Variants in SLC9A1 observed in about 807,000 individuals in gnomAD.
SLC9A1 encodes the protein sodium/hydrogen exchanger 1.
A neutral mutation model predicts 67.9 loss-of-function variants in SLC9A1; 22 were observed. The ratio of observed to expected loss-of-function variants is 0.32; its 90% confidence interval spans 0.23 to 0.46. The LOEUF (loss-of-function observed/expected upper bound fraction) is 0.46, where lower values mean the gene tolerates loss of function less well. Among genes scored for constraint, SLC9A1 ranks in the 20% least tolerant of loss-of-function variants. The pLI is 1.00. For missense variants in SLC9A1, 686 were observed against 1,094.8 expected (o/e 0.63, Z 5.27); for synonymous variants, 421 against 471.8 (o/e 0.89, Z 1.40).
intron 1 of SLC9A1, among the ~76,000 whole-genome samples, chr1:27,144,825 A>G (rs2083474769): frequency 6.6e-6 from 1 of 152,150 alleles, no homozygotes; most frequent in African/African-American, 2.4e-5. Context: ...ACTGGCCAGC[A>G]TAGCAAAACC....
In SLC9A1 at chr1:27,114,162, G is replaced by A. The variant is rs367684852; in HGVS notation, c.477C>T (p.Asp159=). Residue 159 remains aspartate, a synonymous_variant, in exon 2 of 12, where the codon GAC becomes GAT. Transcript: ENST00000263980. This position sits in a 1 kb window ranked among gnomAD's most constrained non-coding sequence, Gnocchi z 5.4. ...VGETPPFLQS[D]VFFLFLLPPI... Reference sequence around the variant, plus strand: ...GCGGCAGCAGGAAGAGGAAGAAGACGTCGGACTGCAGGAAGGGGGGTGTCT... The same window carrying A: ...GCGGCAGCAGGAAGAGGAAGAAGACATCGGACTGCAGGAAGGGGGGTGTCT... The A allele has an allele frequency of 1.2e-5, 20 of 1,614,050 alleles. No homozygotes were observed. In the East Asian group the frequency reaches 1.6e-4, roughly 13 times the overall value.
rs1386738925 is a variant in SLC9A1, at chr1:27,102,132, TG to T, written c.1821-3del. 2 of 1,610,106 alleles carry T rather than the reference TG, an allele frequency of 1.2e-6. No homozygotes were observed. The highest frequency in any genetic ancestry group is 1.7e-6 in the Non-Finnish European group (2 of 1,176,604). On this transcript the variant is annotated splice_polypyrimidine_tract_variant and splice_region_variant and intron_variant, in intron 8 of 11. Transcript: ENST00000263980. ...GGCAGGGACTTGGGGTGGATGTTCC[TG>T]GGGCAATAGGGCATCGGTTAGGTCC...
chr1:27,131,089 T>C (rs1430503507), intron 1 of SLC9A1, among the ~76,000 whole-genome samples: 1 of 152,206 alleles, frequency 6.6e-6, no homozygotes, highest in African/African-American at 2.4e-5. Context: ...CACATGGCAC[T>C]GGCACAAGGT....
At chr1:27,104,067 C>A (rs1373181167) in intron 5 of SLC9A1, 1 of 151,378 alleles carries the variant, frequency 6.6e-6, no homozygotes, top group Non-Finnish European at 1.5e-5. Flanking sequence ...AAAGTGGCAG[C>A]CTCCTCCTCT....
intron 1 of SLC9A1, among the ~76,000 whole-genome samples, chr1:27,120,012 C>T (rs2083294465): frequency 6.6e-6 from 1 of 151,894 alleles, no homozygotes. Context: ...GGGAAGGTTG[C>T]AGTGAGCCAA....
chr1:27,100,194 T>G lies in SLC9A1; in HGVS notation c.*113A>C. 1.4e-6 allele frequency: 1 copy of G among 712,256 alleles called. No homozygotes were observed. The highest frequency in any genetic ancestry group is 2.2e-6 in the Non-Finnish European group (1 of 459,464). 44.1% of individuals were successfully genotyped at this position (712,256 alleles called of 1,614,324 possible). On this transcript the variant is annotated 3_prime_UTR_variant, in exon 12 of 12. Transcript: ENST00000263980. The surrounding 1 kb of genome is among the most constrained non-coding windows in gnomAD (Gnocchi z 5.6). The stretch of plus-strand genomic sequence containing the variant: ...GGCTGTGGGCCCAGCTGCCATGCGG[T>G]AGGGGGAGGGGCAGGGCCAATCCGG...
intron 1 of SLC9A1, among the ~76,000 whole-genome samples, chr1:27,135,524 GGAAA>G (rs2083414920): frequency 4.3e-5 from 3 of 70,364 alleles, no homozygotes; most frequent in African/African-American, 2.2e-4. Context: ...CCTTTTTTCT[GGAAA>G]AAAAAAAAAA....
chr1:27,132,306 G>A (rs1159850253), intron 1 of SLC9A1, among the ~76,000 whole-genome samples: 1 of 152,094 alleles, frequency 6.6e-6, no homozygotes, highest in African/African-American at 2.4e-5. Flanking sequence ...CAATGGAGAG[G>A]AAAGAACACT....
In SLC9A1 at chr1:27,106,894, G is replaced by A. The variant is rs2083188564; in HGVS notation, c.1282+754C>T. 6.6e-6 allele frequency among the ~76,000 whole-genome samples: 1 copy of A among 151,894 alleles called. No homozygotes were observed. Among genetic ancestry groups the A allele is most frequent in the Admixed American group, 6.6e-5 (1 of 15,258 alleles). The stretch of plus-strand genomic sequence containing the variant: ...CTCATCAGGACAGCCACAGCCACAG[G>A]CTCAGAGTCTCAGGGCCCCCTCACT... On this transcript the variant is annotated intron_variant, in intron 4 of 11. Coordinates refer to ENST00000263980, the MANE Select transcript of SLC9A1 (RefSeq NM_003047.5). This position sits in a 1 kb window ranked among gnomAD's most constrained non-coding sequence, Gnocchi z 4.3.
rs1173267418 is a variant in SLC9A1, at chr1:27,153,369, AC to A, written c.352+613del. Among the ~76,000 whole-genome samples the A allele has an allele frequency of 3.3e-5, 5 of 152,164 alleles. No individual in the cohort carries two copies. In the South Asian group the frequency reaches 1.0e-3, roughly 32 times the overall value. On this transcript the variant is annotated intron_variant, in intron 1 of 11. Transcript: ENST00000263980. ...TATGGCATTCCTGGGCCGGAAATTG[AC>A]TCAGGGGCTCCTAACTAGCCTGGAC...
intron 1 of SLC9A1, among the ~76,000 whole-genome samples, chr1:27,128,977 C>G (rs1225592081): frequency 6.6e-6 from 1 of 151,214 alleles, no homozygotes; most frequent in Non-Finnish European, 1.5e-5. Flanking sequence ...AACAAACAAA[C>G]AAACAAATGC....
intron 1 of SLC9A1, among the ~76,000 whole-genome samples, chr1:27,149,162 G>A (rs762080790): frequency 5.3e-5 from 8 of 152,178 alleles, no homozygotes; most frequent in Non-Finnish European, 1.0e-4. Context: ...ACTCCTAGAG[G>A]GAGTCCTACA....
chr1:27,117,002 C>T (rs778723655), intron 1 of SLC9A1, among the ~76,000 whole-genome samples: 15 of 152,174 alleles, frequency 9.9e-5, no homozygotes, highest in Non-Finnish European at 2.1e-4. Context: ...CTGACCACCA[C>T]CTGTCTGCTC....
In SLC9A1 at chr1:27,107,405, C is replaced by T. The variant is rs558463899; in HGVS notation, c.1282+243G>A. On this transcript the variant is annotated intron_variant, in intron 4 of 11. Coordinates refer to ENST00000263980, the MANE Select transcript of SLC9A1 (RefSeq NM_003047.5). ...ACCCCTCCACACACTACACACACAC[C>T]ATACACACATCCAGCCCCCCTACAA... is the stretch of plus-strand genomic sequence containing the variant. Among the ~76,000 whole-genome samples the T allele has an allele frequency of 8.1e-3, 1,214 of 149,908 alleles. 9 individuals carry two copies. Among genetic ancestry groups the T allele is most frequent in the South Asian group, 0.016 (75 of 4,668 alleles).
chr1:27,108,062 A>ATTTT (rs1026584834), intron 3 of SLC9A1, among the ~76,000 whole-genome samples, 197 bp from the exon 4 acceptor site: 6 of 108,910 alleles, frequency 5.5e-5, no homozygotes, highest in Admixed American at 1.9e-4. Flanking sequence ...GTATTCCTCC[A>ATTTT]TTTTTTTTTT....
At chr1:27,136,119 C>A (rs1408448450) in intron 1 of SLC9A1, among the ~76,000 whole-genome samples, 7 of 152,222 alleles carry the variant, frequency 4.6e-5, no homozygotes, top group African/African-American at 1.7e-4. Context: ...CCTCTAGAGG[C>A]AGTCTCGCTC....
chr1:27,102,116 T>C lies in SLC9A1; in HGVS notation c.1835A>G (p.Lys612Arg). ...CAGGATGCGCTCGGAAGGCAGGGAC[T>C]TGGGGTGGATGTTCCTGGGGCAATA... Reference protein sequence around the residue: ...STVSMQNIHPKSLPSERILPA... With the variant: ...STVSMQNIHPRSLPSERILPA... Residue 612 changes from lysine (K) to arginine (R), a missense_variant, in exon 9 of 12, where the codon AAG becomes AGG. Lys to Arg is a conservative substitution (Grantham distance 26). Transcript: ENST00000263980. 6.2e-7 allele frequency: 1 copy of C among 1,613,620 alleles called. No homozygotes were observed. The highest frequency in any genetic ancestry group is 8.5e-7 in the Non-Finnish European group (1 of 1,179,612).
chr1:27,109,509 T>G lies in SLC9A1; in HGVS notation c.1064+18A>C. 1.5e-5 allele frequency: 22 copies of G among 1,490,340 alleles called. No individual in the cohort carries two copies. The highest frequency in any genetic ancestry group is 2.8e-5 in the African/African-American group (2 of 70,244). The allele number at this position is 1,490,340 out of a possible 1,614,324, so 92.3% of individuals were successfully genotyped here. ...CCCCCACCCCGCCAAGCCCACTGCC[T>G]GCTGCACGCAGACTCACGCCATGAT... On this transcript the variant is annotated intron_variant, in intron 3 of 11. Coordinates refer to ENST00000263980, the MANE Select transcript of SLC9A1 (RefSeq NM_003047.5). The surrounding 1 kb of genome is among the most constrained non-coding windows in gnomAD (Gnocchi z 5.5).
At chr1:27,108,313 G>A (rs905480465) in intron 3 of SLC9A1, among the ~76,000 whole-genome samples, 4 of 144,940 alleles carry the variant, frequency 2.8e-5, no homozygotes, top group African/African-American at 7.6e-5. Context: ...TAATCCACCC[G>A]CCTTGGCCTC....
Sources: gnomAD v4.1 joint callset for allele counts (sites outside exome capture counted in the v4.1 genomes callset) on GRCh38, gnomAD v4.1.1 for gene constraint, Gnocchi (gnomAD v3.1) non-coding constraint, MANE v1.5 for transcripts, NCBI Gene and HGNC (gene_info 2026-07-23, HGNC 2026-07-21) for gene names.